The following APP variants were observed in gnomAD, a reference collection of about 807,000 sequenced individuals.
APP encodes amyloid beta precursor protein.
Under a neutral mutation model 101.4 loss-of-function variants are expected in APP, and 31 were observed. That is an observed-to-expected ratio of 0.31 (90% CI 0.23 to 0.41). APP has a LOEUF of 0.41. Among genes scored for constraint, APP ranks in the 10% least tolerant of loss-of-function variants. The pLI, the probability that APP is intolerant of heterozygous loss-of-function variation, is 1.00. For missense variants in APP, 839 were observed against 1,003.7 expected (o/e 0.84, Z 2.22); for synonymous variants, 366 against 364.4 (o/e 1.00, Z -0.05).
chr21:26,062,729 A>AT (rs879347450), intron 3 of APP, among the ~76,000 whole-genome samples: 9 of 151,578 alleles, frequency 5.9e-5, no homozygotes, highest in Non-Finnish European at 1.0e-4. Context: ...AAAAAGATCC[A>AT]TATAGGTGTG....
chr21:26,095,006 C>T (rs1273379005), intron 2 of APP, among the ~76,000 whole-genome samples: 6 of 152,198 alleles, frequency 3.9e-5, no homozygotes, highest in South Asian at 2.1e-4. Flanking sequence ...CTACCACACC[C>T]GGCTAATTTT....
At chr21:26,114,077 A>T (rs550036411) in intron 1 of APP, among the ~76,000 whole-genome samples, 4 of 152,114 alleles carry the variant, frequency 2.6e-5, no homozygotes, top group African/African-American at 9.6e-5. Context: ...GCATGTTGTT[A>T]ACTGTACGGA....
At chr21:25,895,902 T>TTA (rs1470287945) in intron 16 of APP, among the ~76,000 whole-genome samples, 2 of 152,240 alleles carry the variant, frequency 1.3e-5, no homozygotes, top group African/African-American at 2.4e-5. Context: ...ATTGCACTAA[T>TTA]TATAATACAT....
chr21:26,159,328 C>G (rs1047720392), intron 1 of APP, among the ~76,000 whole-genome samples: 6 of 152,214 alleles, frequency 3.9e-5, no homozygotes, highest in African/African-American at 1.4e-4. Flanking sequence ...ATCCACCCGC[C>G]TTGGCCTCCC....
At chr21:26,103,591 A>G (rs2062112945) in intron 2 of APP, among the ~76,000 whole-genome samples, 1 of 152,080 alleles carries the variant, frequency 6.6e-6, no homozygotes, top group African/African-American at 2.4e-5. Context: ...ATGGAGTGAG[A>G]TCCCGTCAAA....
At chr21:26,007,522 T>C (rs1434700916) in intron 6 of APP, among the ~76,000 whole-genome samples, 1 of 149,600 alleles carries the variant, frequency 6.7e-6, no homozygotes, top group Non-Finnish European at 1.5e-5. Context: ...TATAAATGTT[T>C]ACATAATACA....
intron 13 of APP, among the ~76,000 whole-genome samples, chr21:25,930,649 A>G (rs903723213): frequency 6.6e-6 from 1 of 152,196 alleles, no homozygotes; most frequent in Non-Finnish European, 1.5e-5. Flanking sequence ...CAGACAGCAC[A>G]TCATCCTTGT....
chr21:26,118,742 C>A (rs900304325), intron 1 of APP, among the ~76,000 whole-genome samples: 2 of 151,832 alleles, frequency 1.3e-5, no homozygotes, highest in South Asian at 4.2e-4. Flanking sequence ...TTAGTAGAGA[C>A]GGGTTTTTGC....
At chr21:25,934,006 G>GT (rs2040257106) in intron 13 of APP, 1 of 152,102 alleles carries the variant, frequency 6.6e-6, no homozygotes, top group Non-Finnish European at 1.5e-5. Flanking sequence ...TTGGAAACAG[G>GT]GTCTTTGCAG....
chr21:26,144,211 C>T (rs903047673), intron 1 of APP, among the ~76,000 whole-genome samples: 2 of 152,182 alleles, frequency 1.3e-5, no homozygotes, highest in Non-Finnish European at 2.9e-5. Context: ...TTATCTCCAC[C>T]TGGTCCCTCC....
chr21:26,119,684 G>GC (rs2062520126), intron 1 of APP, among the ~76,000 whole-genome samples: 1 of 116,526 alleles, frequency 8.6e-6, no homozygotes, highest in East Asian at 3.1e-4. Context: ...GTGCTAGAAT[G>GC]AACACACACA....
At chr21:25,988,307 G>C (rs922194374) in intron 8 of APP, among the ~76,000 whole-genome samples, 1 of 152,220 alleles carries the variant, frequency 6.6e-6, no homozygotes, top group Non-Finnish European at 1.5e-5. Context: ...GATTCTGAGG[G>C]ACCAGCGTGG....
chr21:26,055,138 G>A (rs945116954), intron 3 of APP, among the ~76,000 whole-genome samples: 1 of 152,094 alleles, frequency 6.6e-6, no homozygotes, highest in Non-Finnish European at 1.5e-5. Context: ...CAAAAATTAT[G>A]AGACATGGTA....
At chr21:26,103,464 G>A (rs2146173429) in intron 2 of APP, among the ~76,000 whole-genome samples, 1 of 8,938 alleles carries the variant, frequency 1.1e-4, no homozygotes, top group African/African-American at 5.3e-4. Context: ...GCCACATGTG[G>A]TGGCGTGCAC....
intron 17 of APP, among the ~76,000 whole-genome samples, chr21:25,886,444 A>G (rs923936828): frequency 2.0e-5 from 3 of 151,542 alleles, no homozygotes; most frequent in Admixed American, 6.6e-5. Context: ...CCCAGGCTGG[A>G]GTGCAGTGGC....
At chr21:26,046,899 T>A (rs931069172) in intron 5 of APP, among the ~76,000 whole-genome samples, 2 of 152,190 alleles carry the variant, frequency 1.3e-5, no homozygotes, top group Non-Finnish European at 2.9e-5. Context: ...GAAAAAAATC[T>A]TACCCACGAT....
At position 25,881,556 on chromosome 21, in the gene APP, TGAG is replaced by T. The variant is rs1245104664; in HGVS notation, c.*111_*113del. ...CAGCACAGCTGTCAAAAGGCGATAA[TGAG>T]TAAATCATAAAACGGGTTTGTTTCT... On this transcript the variant is annotated 3_prime_UTR_variant, in exon 18 of 18. Coordinates refer to ENST00000346798, the MANE Select transcript of APP (RefSeq NM_000484.4). The T allele has an allele frequency of 8.3e-7, 1 of 1,210,436 alleles. No homozygotes were observed. The highest frequency in any genetic ancestry group is 1.2e-6 in the Non-Finnish European group (1 of 822,756). 75.0% of individuals were successfully genotyped at this position (1,210,436 alleles called of 1,614,324 possible). A position where few individuals can be genotyped will look rare whatever the true frequency, so the allele number is the denominator to read the frequency against.
chr21:25,909,703 C>T (rs894462212), intron 14 of APP, among the ~76,000 whole-genome samples: 3 of 152,164 alleles, frequency 2.0e-5, no homozygotes, highest in African/African-American at 7.2e-5. Flanking sequence ...TGAGATCGGA[C>T]ATTTTTCACT....
chr21:26,140,575 G>A, intron 1 of APP: 1 of 205,234 alleles, frequency 4.9e-6, no homozygotes, highest in Non-Finnish European at 9.8e-6. Flanking sequence ...GTTGACCAGT[G>A]GTTTAATCCC....
Sources: gnomAD v4.1 joint callset for allele counts (sites outside exome capture counted in the v4.1 genomes callset) on GRCh38, gnomAD v4.1.1 for gene constraint, MANE v1.5 for transcripts, NCBI Gene and HGNC (gene_info 2026-07-23, HGNC 2026-07-21) for gene names.